DNAJC6: variants seen among roughly 807,000 people sequenced by gnomAD.
DNAJC6 encodes auxilin.
In DNAJC6, 34 loss-of-function variants were observed where a neutral mutation model predicts 110.0. The ratio of observed to expected loss-of-function variants is 0.31; its 90% CI spans 0.24 to 0.41. The LOEUF is 0.41. Among genes scored for constraint, DNAJC6 ranks in the 10% least tolerant of loss-of-function variants. DNAJC6 has a pLI of 1.00. For synonymous variants in DNAJC6, 406 were observed against 437.2 expected, an observed-to-expected ratio of 0.93 and a Z score of 0.89; for missense variants, 1,031 against 1,207.8, an observed-to-expected ratio of 0.85 and a Z score of 2.17.
intron 1 of DNAJC6, among the ~76,000 whole-genome samples, chr1:65,326,746 G>C (rs1645245001): frequency 2.0e-5 from 3 of 152,152 alleles, no homozygotes. Flanking sequence ...TGTCTTCTCT[G>C]TGTACATGGC....
intron 15 of DNAJC6, among the ~76,000 whole-genome samples, chr1:65,403,883 G>A (rs887646240): frequency 4.6e-5 from 7 of 152,170 alleles, no homozygotes; most frequent in African/African-American, 1.7e-4. Context: ...CACTGTATCT[G>A]CAGCCTGGCA....
At chr1:65,309,331 C>A (rs1353466915), upstream of DNAJC6, among the ~76,000 whole-genome samples, 4 of 151,198 alleles carry the variant, frequency 2.6e-5, no homozygotes, top group African/African-American at 9.7e-5. Flanking sequence ...TTCCTTCCCT[C>A]CCCGCGGGCC....
chr1:65,311,151 C>A (rs1645095437), intron 1 of DNAJC6, among the ~76,000 whole-genome samples: 1 of 143,962 alleles, frequency 6.9e-6, no homozygotes, highest in African/African-American at 2.5e-5. Context: ...ATTGATGGGA[C>A]ATTCTCTTAG....
intron 1 of DNAJC6, among the ~76,000 whole-genome samples, chr1:65,269,617 C>T (rs954178618): frequency 3.9e-5 from 6 of 152,084 alleles, no homozygotes; most frequent in Admixed American, 1.3e-4. Context: ...CAAATTCTTT[C>T]AAGGATTTTT....
At chr1:65,272,832 G>A (rs554944015) in intron 1 of DNAJC6, among the ~76,000 whole-genome samples, 1 of 152,278 alleles carries the variant, frequency 6.6e-6, no homozygotes, top group African/African-American at 2.4e-5. Context: ...GAGCCACTCT[G>A]CCTGGCTTCA....
intron 1 of DNAJC6, among the ~76,000 whole-genome samples, chr1:65,348,366 C>T (rs895323973): frequency 6.6e-6 from 1 of 152,072 alleles, no homozygotes; most frequent in African/African-American, 2.4e-5. Context: ...CTTCCCATAC[C>T]AATGTTTTGT....
In DNAJC6 at chr1:65,408,705, A is replaced by G. The variant is rs890033258; in HGVS notation, c.2556A>G (p.Lys852=). 8.1e-6 allele frequency: 13 copies of G among 1,614,026 alleles called. No individual in the cohort carries two copies. In the Admixed American group the frequency reaches 1.8e-4, roughly 23 times the overall value. The part of the protein sequence containing the change: ...LLSGQGFNAH[K]DKKGPRTIAE... ...CTGGTCAAGGTTTCAATGCTCACAA[A>G]GACAAAAAGGGGCCTCGGACAATAG... The change falls in exon 17 of 19, where the codon AAA becomes AAG. Residue 852 remains lysine, a synonymous_variant. Transcript: ENST00000371069.
At chr1:65,391,696 A>G (rs774762779) in intron 11 of DNAJC6, among the ~76,000 whole-genome samples, 6 of 151,082 alleles carry the variant, frequency 4.0e-5, no homozygotes, top group Non-Finnish European at 7.3e-5. Flanking sequence ...GAAAAAAAAA[A>G]TCAACACTTA....
intron 1 of DNAJC6, among the ~76,000 whole-genome samples, chr1:65,339,876 G>C (rs1004422247): frequency 3.9e-5 from 6 of 152,184 alleles, no homozygotes; most frequent in African/African-American, 1.4e-4. Context: ...GAATGTTTCT[G>C]TTCCACCAAT....
At chr1:65,277,373 T>C (rs1653705727) in intron 1 of DNAJC6, among the ~76,000 whole-genome samples, 1 of 152,216 alleles carries the variant, frequency 6.6e-6, no homozygotes, top group Non-Finnish European at 1.5e-5. Flanking sequence ...GACTATAATT[T>C]TTCTGAGTCT....
intron 18 of DNAJC6, among the ~76,000 whole-genome samples, chr1:65,412,235 G>T (rs1233628597): frequency 6.6e-6 from 1 of 152,090 alleles, no homozygotes; most frequent in Non-Finnish European, 1.5e-5. Flanking sequence ...TACATCTAAG[G>T]GCTCTACCTT....
intron 1 of DNAJC6, among the ~76,000 whole-genome samples, chr1:65,319,300 T>A (rs1315881575): frequency 6.6e-6 from 1 of 152,174 alleles, no homozygotes; most frequent in Non-Finnish European, 1.5e-5. Flanking sequence ...TTCAGCTTTT[T>A]GGTAGGCTGC....
intron 1 of DNAJC6, among the ~76,000 whole-genome samples, chr1:65,325,597 C>T (rs887388713): frequency 3.3e-5 from 5 of 152,176 alleles, no homozygotes; most frequent in African/African-American, 7.2e-5. Context: ...ATCTTGGAGC[C>T]TTATGGATTT....
At chr1:65,369,806 T>C (rs1007087359) in intron 4 of DNAJC6, among the ~76,000 whole-genome samples, 1 of 152,236 alleles carries the variant, frequency 6.6e-6, no homozygotes, top group African/African-American at 2.4e-5. Flanking sequence ...GATTCACTTT[T>C]ATGCTTAGAA....
At chr1:65,408,250 G>C (rs1382833721) in intron 16 of DNAJC6, among the ~76,000 whole-genome samples, 1 of 152,194 alleles carries the variant, frequency 6.6e-6, no homozygotes, top group Non-Finnish European at 1.5e-5. Context: ...AATATCAACA[G>C]AATATGGGCA....
At chr1:65,354,293 G>A (rs924869307) in intron 1 of DNAJC6, among the ~76,000 whole-genome samples, 3 of 152,126 alleles carry the variant, frequency 2.0e-5, no homozygotes, top group African/African-American at 7.2e-5. Flanking sequence ...GAGGCTTTGG[G>A]TCCAGCCAAA....
upstream of DNAJC6, chr1:65,309,449 C>T (rs1030812222): frequency 3.6e-6 from 3 of 842,856 alleles, no homozygotes; most frequent in African/African-American, 1.8e-5. Flanking sequence ...GCCCGGAGCT[C>T]GGCAGGGCCG....
At chr1:65,411,738 G>C (rs772907088) in intron 18 of DNAJC6, among the ~76,000 whole-genome samples, 1 of 152,014 alleles carries the variant, frequency 6.6e-6, no homozygotes, top group Non-Finnish European at 1.5e-5. Context: ...GGGGGGGCAG[G>C]GTAGGCGAAT....
At chr1:65,323,788 A>G (rs1201991671) in intron 1 of DNAJC6, among the ~76,000 whole-genome samples, 2 of 151,984 alleles carry the variant, frequency 1.3e-5, no homozygotes, top group South Asian at 2.1e-4. Context: ...ATGAGGTTCT[A>G]CTATGTTGCC....
Sources: gnomAD v4.1 joint callset for allele counts (sites outside exome capture counted in the v4.1 genomes callset) on GRCh38, gnomAD v4.1.1 for gene constraint, MANE v1.5 for transcripts, NCBI Gene and HGNC (gene_info 2026-07-23, HGNC 2026-07-21) for gene names.